Variants in LRMDA observed in about 807,000 individuals in gnomAD.
LRMDA encodes the protein leucine-rich melanocyte differentiation-associated protein.
Under a neutral mutation model 29.8 loss-of-function variants are expected in LRMDA, and 18 were observed. The observed-to-expected ratio is 0.60, with a 90% confidence interval of 0.42 to 0.90. The LOEUF (loss-of-function observed/expected upper bound fraction) is 0.90. Ranked by LOEUF, LRMDA falls within the 40% of genes least tolerant of loss-of-function variation. LRMDA has a pLI of 0.00. For synonymous variants in LRMDA, 125 were observed against 109.4 expected (o/e 1.14, Z -0.89); for missense variants, 273 against 273.9 (o/e 1.00, Z 0.02).
At chr10:76,226,932 GT>G (rs879360599) in intron 5 of LRMDA, among the ~76,000 whole-genome samples, 8 of 152,206 alleles carry the variant, frequency 5.3e-5, no homozygotes, top group Non-Finnish European at 1.2e-4. Flanking sequence ...CTAAGACATT[GT>G]GTCAGATTTT....
At position 76,365,035 on chromosome 10, in the gene LRMDA, C is replaced by G. The variant is rs1841371507; in HGVS notation, c.601+40550C>G. Among the ~76,000 whole-genome samples the G allele has an allele frequency of 2.1e-5, 3 of 145,716 alleles. No individual in the cohort carries two copies. The South Asian group carries it at 6.6e-4, about 32-fold the overall frequency. ...CACTGCAAATGCTGTTAATTCATTC[C>G]TTTTTATGGCTGCATAGTATTCCAT... On this transcript the variant is annotated intron_variant, in intron 6 of 6. Transcript: ENST00000611255.
intron 6 of LRMDA, among the ~76,000 whole-genome samples, chr10:76,355,533 T>C (rs1201339561): frequency 6.6e-6 from 1 of 152,116 alleles, no homozygotes; most frequent in African/African-American, 2.4e-5. Context: ...AAAGGACACG[T>C]GTGTGTTATT....
chr10:76,482,338 C>T (rs1842740501), intron 6 of LRMDA, among the ~76,000 whole-genome samples: 1 of 151,920 alleles, frequency 6.6e-6, no homozygotes, highest in East Asian at 1.9e-4. Context: ...CCCCTTTTAC[C>T]CCACTGTCTT....
intron 2 of LRMDA, among the ~76,000 whole-genome samples, chr10:75,537,208 G>A (rs1482940821): frequency 1.3e-5 from 2 of 152,094 alleles, no homozygotes; most frequent in East Asian, 3.8e-4. Context: ...TCAAAGCCTT[G>A]TCATTGCCTC....
chr10:76,278,524 C>T lies in LRMDA; in HGVS notation c.517-45877C>T, dbSNP rs79153801. ...TCTGCTTTGTTATACTGTCTTATCC[C>T]GACCTTGACACTCTGGCAGCAGTGA... is the stretch of plus-strand genomic sequence containing the variant. On this transcript the variant is annotated intron_variant, in intron 5 of 6. Transcript: ENST00000611255. 3.4e-3 allele frequency among the ~76,000 whole-genome samples: 518 copies of T among 152,214 alleles called. 26 individuals carry two copies. In the East Asian group the frequency reaches 0.077, roughly 23 times the overall value.
At chr10:76,316,184 G>T (rs868426802) in intron 5 of LRMDA, among the ~76,000 whole-genome samples, 1 of 152,202 alleles carries the variant, frequency 6.6e-6, no homozygotes, top group African/African-American at 2.4e-5. Context: ...AGACCTAGGG[G>T]CTCTCCAAGT....
intron 2 of LRMDA, among the ~76,000 whole-genome samples, chr10:75,850,458 A>G (rs1365836516): frequency 2.0e-5 from 3 of 152,164 alleles, no homozygotes; most frequent in Non-Finnish European, 4.4e-5. Context: ...AGTGTTAAAA[A>G]CATTATTTTC....
At chr10:76,505,023 G>C (rs548289960) in intron 6 of LRMDA, among the ~76,000 whole-genome samples, 1 of 151,972 alleles carries the variant, frequency 6.6e-6, no homozygotes, top group South Asian at 2.1e-4. Flanking sequence ...GTATTTGCTT[G>C]TCTGAGAAGG....
chr10:76,228,265 C>G (rs914134501), intron 5 of LRMDA, among the ~76,000 whole-genome samples: 2 of 152,012 alleles, frequency 1.3e-5, no homozygotes, highest in Admixed American at 1.3e-4. Context: ...TGTGATCTGC[C>G]CACCTCAGCC....
At chr10:75,692,436 C>T (rs542333116) in intron 2 of LRMDA, among the ~76,000 whole-genome samples, 2 of 150,098 alleles carry the variant, frequency 1.3e-5, no homozygotes, top group Non-Finnish European at 3.0e-5. Context: ...TATATACACA[C>T]ATACATATAT....
At chr10:76,159,921 TA>T (rs1850612836) in intron 5 of LRMDA, among the ~76,000 whole-genome samples, 1 of 152,098 alleles carries the variant, frequency 6.6e-6, no homozygotes, top group Non-Finnish European at 1.5e-5. Flanking sequence ...TGGGGGGCAG[TA>T]AAAATACTCT....
intron 5 of LRMDA, among the ~76,000 whole-genome samples, chr10:76,096,906 A>G (rs1849320235): frequency 6.6e-6 from 1 of 152,068 alleles, no homozygotes. Context: ...GTTCATTGCT[A>G]GTTTCACTTT....
chr10:76,206,765 G>A (rs769285608), intron 5 of LRMDA, among the ~76,000 whole-genome samples: 4 of 152,142 alleles, frequency 2.6e-5, no homozygotes, highest in Non-Finnish European at 4.4e-5. Flanking sequence ...CCCCTCTCAT[G>A]CCTGGCATAC....
In LRMDA at chr10:75,749,884, G is replaced by A. The variant is rs183332763; in HGVS notation, c.132-286124G>A. ...TGTTTAACAAAGCACATCTTGCTCC[G>A]CCCTTAATCCATTTAACCCTGAGTG... is the stretch of plus-strand genomic sequence containing the variant. On this transcript the variant is annotated intron_variant, in intron 2 of 6. Transcript: ENST00000611255. 1.8e-3 allele frequency among the ~76,000 whole-genome samples: 268 copies of A among 152,218 alleles called. 1 individual carries two copies. Among genetic ancestry groups the A allele is most frequent in the African/African-American group, 5.8e-3 (240 of 41,540 alleles).
chr10:75,554,729 C>G (rs1840193311), intron 2 of LRMDA, among the ~76,000 whole-genome samples: 1 of 152,130 alleles, frequency 6.6e-6, no homozygotes, highest in Non-Finnish European at 1.5e-5. Flanking sequence ...AATTCAAAAC[C>G]TGGCTGTACT....
At chr10:75,623,671 G>T (rs1026365123) in intron 2 of LRMDA, among the ~76,000 whole-genome samples, 1 of 152,160 alleles carries the variant, frequency 6.6e-6, no homozygotes, top group Admixed American at 6.5e-5. Context: ...GCACAAGGAG[G>T]AAAAATACCA....
chr10:75,605,211 C>T (rs1339251354), intron 2 of LRMDA, among the ~76,000 whole-genome samples: 2 of 152,202 alleles, frequency 1.3e-5, no homozygotes, highest in African/African-American at 4.8e-5. Flanking sequence ...AAATCAATTT[C>T]TCCAAGTTTG....
At chr10:75,793,863 G>T (rs574175980) in intron 2 of LRMDA, among the ~76,000 whole-genome samples, 9 of 152,310 alleles carry the variant, frequency 5.9e-5, no homozygotes, top group African/African-American at 9.6e-5. Flanking sequence ...TAAGCCAGGG[G>T]TCAGCACACT....
At chr10:75,608,129 T>TATATATAGACAC (rs11271217) in intron 2 of LRMDA, among the ~76,000 whole-genome samples, 2 of 89,548 alleles carry the variant, frequency 2.2e-5, no homozygotes, top group Admixed American at 2.6e-4. Flanking sequence ...TATATATATA[T>TATATATAGACAC]ACACACACAT....
Sources: allele counts gnomAD v4.1 joint callset (sites outside exome capture counted in the v4.1 genomes callset), GRCh38; gene constraint gnomAD v4.1.1; transcripts MANE v1.5; gene names NCBI Gene and HGNC (gene_info 2026-07-23, HGNC 2026-07-21).